ETV1: variants seen among roughly 807,000 people sequenced by gnomAD.
The protein encoded by ETV1 is ETS variant transcription factor 1, also known as ETS translocation variant 1.
In ETV1, 27 loss-of-function variants were observed where a neutral mutation model predicts 62.3. The observed-to-expected ratio is 0.43, with a 90% CI of 0.32 to 0.60. The LOEUF (loss-of-function observed/expected upper bound fraction) is 0.60, where lower values mean the gene tolerates loss of function less well. ETV1 is among the 20% of genes least tolerant of loss of function. The pLI, the probability that ETV1 is intolerant of heterozygous loss-of-function variation, is 0.06. For synonymous variants in ETV1, 222 were observed against 199.6 expected (o/e 1.11, Z -0.94); for missense variants, 605 against 605.8 (o/e 1.00, Z 0.01).
At position 13,961,876 on chromosome 7, in the gene ETV1, A is replaced by G. The variant is rs544665943; in HGVS notation, c.235+15551T>C. On this transcript the variant is annotated intron_variant, in intron 6 of 13. Transcript: ENST00000430479. The stretch of plus-strand genomic sequence containing the variant: ...TCTAACAGTATCATTACAGATATAC[A>G]CTGAACTACTTAGTGTGATCAACAG... Among the ~76,000 whole-genome samples the G allele has an allele frequency of 3.9e-5, 6 of 152,264 alleles. No homozygotes were observed. In the South Asian group the frequency reaches 1.2e-3, roughly 32 times the overall value.
Position 13,892,061 on chromosome 7 carries a change from T to G in ETV1, c.*3805A>C, listed in dbSNP as rs1219219216. 1 of 232,124 alleles carries G rather than the reference T, an allele frequency of 4.3e-6. No individual in the cohort carries two copies. Among genetic ancestry groups the G allele is most frequent in the Non-Finnish European group, 8.5e-6 (1 of 117,506 alleles). 14.4% of individuals were successfully genotyped at this position (232,124 alleles called of 1,614,324 possible). A position where few individuals can be genotyped will look rare whatever the true frequency, so the allele number is the denominator to read the frequency against. Reference sequence around the variant, plus strand: ...TATTTCTTTCCTGGTTATATAAAGATAAGTTGACTCATTTTGCAATTGTTC... The same window carrying G: ...TATTTCTTTCCTGGTTATATAAAGAGAAGTTGACTCATTTTGCAATTGTTC... On this transcript the variant is annotated 3_prime_UTR_variant, in exon 14 of 14. Coordinates refer to ENST00000430479, the MANE Select transcript of ETV1 (RefSeq NM_004956.5).
intron 6 of ETV1, among the ~76,000 whole-genome samples, chr7:13,952,624 CTTTAAAAT>C (rs1788962007): frequency 6.6e-6 from 1 of 152,138 alleles, no homozygotes; most frequent in Non-Finnish European, 1.5e-5. Flanking sequence ...ACACTTGATG[CTTTAAAAT>C]TTGACTACGG....
Position 13,893,041 on chromosome 7 carries a change from G to C in ETV1, c.*2825C>G. 4.3e-6 allele frequency: 1 copy of C among 232,706 alleles called. No individual in the cohort carries two copies. The highest frequency in any genetic ancestry group is 6.1e-5 in the East Asian group (1 of 16,460). 14.4% of individuals were successfully genotyped at this position (232,706 alleles called of 1,614,324 possible). On this transcript the variant is annotated 3_prime_UTR_variant, in exon 14 of 14. Coordinates refer to ENST00000430479, the MANE Select transcript of ETV1 (RefSeq NM_004956.5). ...AAATGTTCTGCACTGTCAGTCTTGT[G>C]GATTTTTATTCTGAAGCACTTTTCA...
intron 12 of ETV1, among the ~76,000 whole-genome samples, chr7:13,905,931 T>C (rs1442527802): frequency 6.6e-6 from 1 of 152,164 alleles, no homozygotes; most frequent in Non-Finnish European, 1.5e-5. Flanking sequence ...CCGCCACAGC[T>C]GTTTTTCCCC....
chr7:13,916,655 A>ACT (rs1332137330), intron 9 of ETV1, among the ~76,000 whole-genome samples: 5 of 150,654 alleles, frequency 3.3e-5, no homozygotes, highest in Non-Finnish European at 5.9e-5. Context: ...TAGGCTGTGC[A>ACT]CAGTAGCTCA....
At chr7:13,934,503 T>C (rs1164410324) in intron 8 of ETV1, among the ~76,000 whole-genome samples, 6 of 152,216 alleles carry the variant, frequency 3.9e-5, no homozygotes, top group African/African-American at 1.4e-4. Context: ...TGAGTTATTT[T>C]TACAACGGTG....
chr7:13,954,902 A>G (rs1789239417), intron 6 of ETV1, among the ~76,000 whole-genome samples: 1 of 152,236 alleles, frequency 6.6e-6, no homozygotes, highest in African/African-American at 2.4e-5. Context: ...AAAGAAAGCC[A>G]GCTGGCTAGG....
In ETV1 at chr7:13,977,479, A is replaced by T. The variant is rs139688999; in HGVS notation, c.183T>A (p.Ala61=). 5,482 of 1,535,144 alleles carry T rather than the reference A, an allele frequency of 3.6e-3. 62 individuals are homozygous for T. The highest frequency in any genetic ancestry group is 2.5e-3 in the Non-Finnish European group (2,865 of 1,140,034). Residue 61 remains alanine, a splice_region_variant and synonymous_variant, in exon 6 of 14, where the codon GCT becomes GCA. Transcript: ENST00000430479. ...SQLQETWLAE[A]QVPDNDEQFV... ...ACTGCTCATCATTGTCAGGTACCTGAGCTGAAGAAGAAAAAGAAAATTAAA... is the reference window on the plus strand; with the variant it reads ...ACTGCTCATCATTGTCAGGTACCTGTGCTGAAGAAGAAAAAGAAAATTAAA...
chr7:13,930,634 T>G (rs1054919472), intron 9 of ETV1, among the ~76,000 whole-genome samples: 3 of 151,638 alleles, frequency 2.0e-5, no homozygotes, highest in Non-Finnish European at 4.4e-5. Context: ...TTTTAAACCC[T>G]CCCTCCTTTC....
intron 11 of ETV1, 65 bp downstream of exon 11, chr7:13,909,564 CAGA>C: frequency 3.4e-6 from 4 of 1,159,652 alleles, no homozygotes; most frequent in Middle Eastern, 2.0e-4. Context: ...CCACTGTTTT[CAGA>C]AGAAGCGAAG....
chr7:13,977,908 A>G (rs1781612033), intron 5 of ETV1, among the ~76,000 whole-genome samples: 1 of 152,124 alleles, frequency 6.6e-6, no homozygotes, highest in Admixed American at 6.5e-5. Context: ...TGCAGTTATC[A>G]CACACGTCTC....
intron 9 of ETV1, among the ~76,000 whole-genome samples, chr7:13,913,878 C>CTTT (rs544899107): frequency 0.024 from 2,084 of 87,960 alleles, 100 homozygotes; most frequent in Non-Finnish European, 0.028. Flanking sequence ...GGGGGTACCT[C>CTTT]TTTTTTTTTT....
intron 9 of ETV1, among the ~76,000 whole-genome samples, chr7:13,929,142 C>G (rs1381544302): frequency 6.6e-6 from 1 of 152,030 alleles, no homozygotes; most frequent in Non-Finnish European, 1.5e-5. Flanking sequence ...TATCAATTAA[C>G]AGGATTTGAA....
At chr7:13,933,375 G>C (rs1254295639) in intron 8 of ETV1, among the ~76,000 whole-genome samples, 1 of 152,194 alleles carries the variant, frequency 6.6e-6, no homozygotes. Context: ...GATTCAAGAA[G>C]CTTCTGGAAA....
At chr7:13,915,577 C>T (rs552295533) in intron 9 of ETV1, among the ~76,000 whole-genome samples, 2 of 151,980 alleles carry the variant, frequency 1.3e-5, no homozygotes, top group Admixed American at 6.5e-5. Flanking sequence ...GTTTAAAATC[C>T]AAAGGTTTAC....
chr7:13,909,239 G>A (rs1031238038), intron 11 of ETV1, among the ~76,000 whole-genome samples: 1 of 151,934 alleles, frequency 6.6e-6, no homozygotes, highest in East Asian at 1.9e-4. Context: ...AAAGAAGAGA[G>A]GCCGCGTTAG....
intron 6 of ETV1, among the ~76,000 whole-genome samples, chr7:13,960,456 T>G (rs1479805195): frequency 2.0e-5 from 3 of 152,180 alleles, no homozygotes; most frequent in African/African-American, 4.8e-5. Flanking sequence ...ATTTAATCAT[T>G]ACATTCACCC....
In ETV1 at chr7:13,893,811, G is replaced by A. The variant is rs1048202785; in HGVS notation, c.*2055C>T. ...GTTTTTATTCTAAGTGCTGTAGATG[G>A]CCACATAAGCATAGTGGGGAGAAAA... On this transcript the variant is annotated 3_prime_UTR_variant, in exon 14 of 14. Coordinates refer to ENST00000430479, the MANE Select transcript of ETV1 (RefSeq NM_004956.5). The A allele has an allele frequency of 1.7e-5, 4 of 232,872 alleles. No homozygotes were observed. Among genetic ancestry groups the A allele is most frequent in the Admixed American group, 5.6e-5 (1 of 17,760 alleles). The allele number at this position is 232,872 out of a possible 1,614,324, so 14.4% of individuals were successfully genotyped here. A position where few individuals can be genotyped will look rare whatever the true frequency, so the allele number is the denominator to read the frequency against.
chr7:13,928,037 A>G lies in ETV1; in HGVS notation c.802+3465T>C, dbSNP rs569681169. ...AACTTACAAAAGAGATGCCATACAT[A>G]CCTTCGACAAACGATGCTGGACTAT... On this transcript the variant is annotated intron_variant, in intron 9 of 13. Coordinates refer to ENST00000430479, the MANE Select transcript of ETV1 (RefSeq NM_004956.5). Among the ~76,000 whole-genome samples, 29 of 152,312 alleles carry G rather than the reference A, an allele frequency of 1.9e-4. No individual in the cohort carries two copies. The East Asian group carries it at 5.6e-3, about 29-fold the overall frequency.
Sources: allele counts gnomAD v4.1 joint callset (sites outside exome capture counted in the v4.1 genomes callset), GRCh38; gene constraint gnomAD v4.1.1; transcripts MANE v1.5; gene names NCBI Gene and HGNC (gene_info 2026-07-23, HGNC 2026-07-21).